The following SCYL3 variants were observed in gnomAD, a reference collection of about 807,000 sequenced individuals.
SCYL3 encodes the protein protein-associating with the carboxyl-terminal domain of ezrin.
A neutral mutation model predicts 73.8 loss-of-function variants in SCYL3; 35 were observed. The ratio of observed to expected loss-of-function variants is 0.47; its 90% CI spans 0.36 to 0.63. The LOEUF is 0.63. Ranked by LOEUF, SCYL3 falls within the 20% of genes least tolerant of loss-of-function variation. The pLI is 0.00. For synonymous variants in SCYL3, 277 were observed against 295.2 expected (o/e 0.94, Z 0.63); for missense variants, 712 against 798.9 (o/e 0.89, Z 1.31).
intron 9 of SCYL3, 45 bp downstream of exon 9, chr1:169,864,324 C>A (rs1659874192): frequency 6.2e-7 from 1 of 1,612,322 alleles, no homozygotes; most frequent in African/African-American, 1.3e-5. Flanking sequence ...GACTAATAAT[C>A]ACCAAACTTC....
At chr1:169,891,277 C>T (rs1662067453) in intron 1 of SCYL3, among the ~76,000 whole-genome samples, 1 of 152,160 alleles carries the variant, frequency 6.6e-6, no homozygotes, top group South Asian at 2.1e-4. Context: ...AACACTGGGA[C>T]CGTAGCTTAG....
intron 11 of SCYL3, among the ~76,000 whole-genome samples, chr1:169,857,691 T>G (rs1383978768): frequency 6.6e-6 from 1 of 152,246 alleles, no homozygotes; most frequent in African/African-American, 2.4e-5. Flanking sequence ...GAAAACAAAT[T>G]ATAGATTTGT....
chr1:169,876,043 C>T lies in SCYL3; in HGVS notation c.400G>A (p.Glu134Lys). Residue 134 changes from glutamate to lysine, a missense_variant, in exon 4 of 13, where the codon GAA becomes AAA. Physicochemically the swap from Glu to Lys is moderately conservative, Grantham distance 56. Around this residue, in one of 2 missense-constraint regions of SCYL3, gnomAD observed 342 missense variants for 448.1 expected, o/e 0.76. Coordinates refer to ENST00000367771, the MANE Select transcript of SCYL3 (RefSeq NM_020423.7). ...NVCLSSVFVS[E>K]DGHWKLGGME... ...CCTCCTAGCTTCCAGTGTCCATCTT[C>T]ACTCACAAACACAGATGATAAACAG... 2 of 1,611,832 alleles carry T rather than the reference C, an allele frequency of 1.2e-6. No homozygotes were observed. The highest frequency in any genetic ancestry group is 1.7e-5 in the Admixed American group (1 of 59,576).
intron 8 of SCYL3, among the ~76,000 whole-genome samples, chr1:169,866,071 T>C (rs1660015105): frequency 6.6e-6 from 1 of 152,200 alleles, no homozygotes; most frequent in Non-Finnish European, 1.5e-5. Flanking sequence ...TGTTCAACGG[T>C]CCATGTATAT....
At chr1:169,890,819 C>G (rs77517325) in intron 1 of SCYL3, among the ~76,000 whole-genome samples, 1,690 of 152,318 alleles carry the variant, frequency 0.011, 41 homozygotes, top group African/African-American at 0.039. Context: ...AGTATGGCAA[C>G]TATGGTAACA....
At chr1:169,860,855 T>C (rs1459719266) in intron 10 of SCYL3, among the ~76,000 whole-genome samples, 1 of 152,216 alleles carries the variant, frequency 6.6e-6, no homozygotes, top group East Asian at 1.9e-4. Flanking sequence ...CTTCCTAGCT[T>C]ATCTCCCTTT....
At chr1:169,879,106 T>C (rs1661066795) in intron 2 of SCYL3, among the ~76,000 whole-genome samples, 1 of 152,176 alleles carries the variant, frequency 6.6e-6, no homozygotes, top group Middle Eastern at 3.2e-3. Flanking sequence ...TGCTATAAAC[T>C]GAACAAAGTG....
chr1:169,864,762 C>T (rs533381991), intron 8 of SCYL3, among the ~76,000 whole-genome samples: 77 of 152,182 alleles, frequency 5.1e-4, no homozygotes, highest in Middle Eastern at 6.8e-3. Flanking sequence ...GAGTTTGAGA[C>T]CAGCTTGGCC....
At chr1:169,874,875 C>G (rs575826895) in intron 4 of SCYL3, among the ~76,000 whole-genome samples, 1 of 152,050 alleles carries the variant, frequency 6.6e-6, no homozygotes, top group South Asian at 2.1e-4. Context: ...TGCAGTAAGC[C>G]GAGATCGCAC....
intron 11 of SCYL3, chr1:169,855,958 C>G: frequency 5.0e-6 from 8 of 1,607,844 alleles, no homozygotes; most frequent in African/African-American, 1.3e-5. Context: ...ATAGGAGAAT[C>G]TGAAGGTAAA....
chr1:169,886,963 A>C (rs1021238988), intron 2 of SCYL3, among the ~76,000 whole-genome samples: 2 of 152,208 alleles, frequency 1.3e-5, no homozygotes, highest in African/African-American at 2.4e-5. Context: ...CAACAACCCA[A>C]ACTCTAGAGA....
intron 3 of SCYL3, among the ~76,000 whole-genome samples, chr1:169,876,321 G>A (rs1276290515): frequency 6.6e-6 from 1 of 152,172 alleles, no homozygotes; most frequent in Admixed American, 6.5e-5. Flanking sequence ...TGGAATGGAA[G>A]GGCTTCTGTT....
chr1:169,859,660 C>G (rs1659473142), intron 10 of SCYL3: 4 of 152,810 alleles, frequency 2.6e-5, no homozygotes, highest in African/African-American at 9.6e-5. Flanking sequence ...GTAGGACCAC[C>G]TGTCCCAAAC....
intron 11 of SCYL3, among the ~76,000 whole-genome samples, chr1:169,856,607 T>C (rs1317752580): frequency 6.6e-6 from 1 of 152,134 alleles, no homozygotes; most frequent in African/African-American, 2.4e-5. Context: ...ACCCCAGCAC[T>C]CAGGCCAGGC....
intron 2 of SCYL3, among the ~76,000 whole-genome samples, chr1:169,881,648 A>G (rs557702313): frequency 5.9e-5 from 9 of 152,242 alleles, no homozygotes; most frequent in African/African-American, 1.9e-4. Context: ...AACTGGTATG[A>G]GATCAACTTT....
At position 169,854,666 on chromosome 1, in the gene SCYL3, T is replaced by C; in HGVS notation, c.1611A>G (p.Thr537=). ...KVNPGGGITA[T]KPVTSGEQKP... ...TCTGCTCCCCTGAGGTAACAGGTTT[T>C]GTAGCAGTGATTCCACCTCCTGGGT... The change falls in exon 12 of 13, where the codon ACA becomes ACG. Residue 537 remains threonine, a synonymous_variant. Transcript: ENST00000367771. 2 of 1,614,084 alleles carry C rather than the reference T, an allele frequency of 1.2e-6. No individual in the cohort carries two copies. The highest frequency in any genetic ancestry group is 2.7e-5 in the African/African-American group (2 of 75,036).
Position 169,852,001 on chromosome 1 carries a change from A to G in SCYL3, c.*1712T>C, listed in dbSNP as rs747684537. ...CAAATTCTGCCCTTTTTACTTACTG[A>G]CGAAACAAACCAGTGTGGTTTCCAG... On this transcript the variant is annotated 3_prime_UTR_variant, in exon 13 of 13. Transcript: ENST00000367771. 21 of 1,608,560 alleles carry G rather than the reference A, an allele frequency of 1.3e-5. No individual in the cohort carries two copies. The highest frequency in any genetic ancestry group is 1.8e-5 in the Non-Finnish European group (21 of 1,176,246).
Position 169,852,368 on chromosome 1 carries a change from C to T in SCYL3, c.*1345G>A. On this transcript the variant is annotated 3_prime_UTR_variant, in exon 13 of 13. Transcript: ENST00000367771. ...AGAATTTGACACCAATAAGGATATT[C>T]AAAATATTGTTTTGAGCACTATTAG... 1 of 267,072 alleles carries T rather than the reference C, an allele frequency of 3.7e-6. No homozygotes were observed. The highest frequency in any genetic ancestry group is 1.4e-3 in the Middle Eastern group (1 of 736). 16.5% of individuals were successfully genotyped at this position (267,072 alleles called of 1,614,324 possible).
At chr1:169,882,707 A>G (rs1046180567) in intron 2 of SCYL3, among the ~76,000 whole-genome samples, 3 of 152,276 alleles carry the variant, frequency 2.0e-5, no homozygotes, top group Middle Eastern at 6.8e-3. Flanking sequence ...AGGTTTGTGA[A>G]TGCACCAATC....
Sources: gnomAD v4.1 joint callset for allele counts (sites outside exome capture counted in the v4.1 genomes callset) on GRCh38, gnomAD v4.1.1 for gene constraint, gnomAD v4.1.1 regional missense constraint, MANE v1.5 for transcripts, NCBI Gene and HGNC (gene_info 2026-07-23, HGNC 2026-07-21) for gene names.